Variants in PCDHA2 observed in about 807,000 individuals in gnomAD.
PCDHA2 encodes the protein protocadherin alpha 2, also known as protocadherin alpha-2.
In PCDHA2, 58 loss-of-function variants were observed where a neutral mutation model predicts 66.0. The ratio of observed to expected loss-of-function variants is 0.88; its 90% CI spans 0.71 to 1.09. The LOEUF is 1.09. Among genes scored for constraint, PCDHA2 ranks in the 50% least tolerant of loss-of-function variants. PCDHA2 has a pLI of 0.00. For missense variants in PCDHA2, 1,267 were observed against 1,242.3 expected (o/e 1.02, Z -0.30); for synonymous variants, 634 against 554.0 (o/e 1.14, Z -2.03).
rs1458261257 is a variant in PCDHA2, at chr5:140,941,194, TCTTTCTTCCTTTCTTTCTTC to T, written c.2389-37747_2389-37728del. Among the ~76,000 whole-genome samples the T allele has an allele frequency of 1.9e-3, 217 of 112,428 alleles. 2 individuals carry two copies. Among genetic ancestry groups the T allele is most frequent in the African/African-American group, 6.9e-3 (195 of 28,326 alleles). 73.8% of individuals were successfully genotyped at this position (112,428 alleles called of 152,430 possible). A position where few individuals can be genotyped will look rare whatever the true frequency, so the allele number is the denominator to read the frequency against. On this transcript the variant is annotated intron_variant, in intron 1 of 3. Coordinates refer to ENST00000526136, the MANE Select transcript of PCDHA2 (RefSeq NM_018905.3). ...CTTGAACATCCTGCTTCTTTTTTTT[TCTTTCTTCCTTTCTTTCTTC>T]CTTTCTTTCTTTCTTTCTTTCTTTC...
At chr5:140,831,149 C>G (rs561074158) in intron 1 of PCDHA2, 1 of 152,098 alleles carries the variant, frequency 6.6e-6, no homozygotes, top group Non-Finnish European at 1.5e-5. Flanking sequence ...TATTTACTAC[C>G]GATCTAAATA....
chr5:140,845,193 T>C (rs1160723646), intron 1 of PCDHA2, among the ~76,000 whole-genome samples: 1 of 149,378 alleles, frequency 6.7e-6, no homozygotes, highest in Non-Finnish European at 1.5e-5. Context: ...AAAAATATGA[T>C]TGTTTTCATT....
At chr5:140,984,566 C>T (rs899278255) in intron 3 of PCDHA2, among the ~76,000 whole-genome samples, 4 of 152,124 alleles carry the variant, frequency 2.6e-5, no homozygotes, top group Non-Finnish European at 5.9e-5. Context: ...TCCAACTACT[C>T]CATGGCAACC....
intron 1 of PCDHA2, among the ~76,000 whole-genome samples, chr5:140,904,216 ATTG>A (rs2070958692): frequency 6.6e-6 from 1 of 151,842 alleles, no homozygotes; most frequent in East Asian, 1.9e-4. Flanking sequence ...CCCAAAGTCC[ATTG>A]TATTATACTT....
chr5:140,958,911 G>C (rs1458386566), intron 1 of PCDHA2, among the ~76,000 whole-genome samples: 3 of 151,406 alleles, frequency 2.0e-5, no homozygotes, highest in African/African-American at 7.3e-5. Flanking sequence ...AGAAAAGTCT[G>C]CCTGGGTGTG....
At chr5:140,856,737 T>C (rs369958206) in intron 1 of PCDHA2, 7 of 1,595,910 alleles carry the variant, frequency 4.4e-6, no homozygotes, top group African/African-American at 1.3e-5. Context: ...CTGCTGATCC[T>C]GGTGTTAGAT....
At chr5:140,918,097 A>C (rs193088313) in intron 1 of PCDHA2, among the ~76,000 whole-genome samples, 2 of 152,192 alleles carry the variant, frequency 1.3e-5, no homozygotes, top group Non-Finnish European at 2.9e-5. Flanking sequence ...CTTTTTATAG[A>C]GATCTTTCAC....
In PCDHA2 at chr5:140,904,839, ATCT is replaced by A. The variant is rs1480252178; in HGVS notation, c.2389-74103_2389-74101del. 4.1e-4 allele frequency among the ~76,000 whole-genome samples: 62 copies of A among 152,040 alleles called. No individual in the cohort carries two copies. The East Asian group carries it at 6.4e-3, about 16-fold the overall frequency. Reference sequence around the variant, plus strand: ...TTGAGCATTTTTTTATATGTTTCATATCTTCTTCTGAGAATTGTCTGTTTATGT... The same window carrying A: ...TTGAGCATTTTTTTATATGTTTCATATCTTCTGAGAATTGTCTGTTTATGT... On this transcript the variant is annotated intron_variant, in intron 1 of 3. Coordinates refer to ENST00000526136, the MANE Select transcript of PCDHA2 (RefSeq NM_018905.3).
chr5:140,845,984 T>C (rs2150383304), intron 1 of PCDHA2, among the ~76,000 whole-genome samples: 2 of 149,806 alleles, frequency 1.3e-5, no homozygotes, highest in African/African-American at 4.9e-5. Flanking sequence ...ATATTTTGAA[T>C]GTTGTGTGGT....
intron 1 of PCDHA2, among the ~76,000 whole-genome samples, chr5:140,941,213 TCC>T (rs1491191685): frequency 2.4e-4 from 26 of 106,900 alleles, no homozygotes; most frequent in African/African-American, 9.0e-4. Context: ...CTTTCTTTCT[TCC>T]TTTCTTTCTT....
At chr5:140,928,529 T>C in intron 1 of PCDHA2, 7 of 1,614,226 alleles carry the variant, frequency 4.3e-6, no homozygotes, top group Non-Finnish European at 4.2e-6. Flanking sequence ...TTGTTTGTGG[T>C]AGATAGGAAT....
At chr5:140,983,408 A>G (rs1554245369) in intron 3 of PCDHA2, among the ~76,000 whole-genome samples, 1 of 152,208 alleles carries the variant, frequency 6.6e-6, no homozygotes, top group Non-Finnish European at 1.5e-5. Flanking sequence ...GGGAAGATTA[A>G]GTGTTGGTAG....
intron 1 of PCDHA2, chr5:140,842,895 A>C: frequency 6.3e-7 from 1 of 1,594,156 alleles, no homozygotes; most frequent in East Asian, 2.2e-5. Flanking sequence ...CCGCTGGACC[A>C]CGAGGAGCTA....
chr5:140,962,237 C>G (rs982591816), intron 1 of PCDHA2, among the ~76,000 whole-genome samples: 5 of 152,108 alleles, frequency 3.3e-5, no homozygotes, highest in Non-Finnish European at 5.9e-5. Context: ...TTCACTTAAC[C>G]ATTTTCTTCA....
Position 140,822,123 on chromosome 5 carries a change from C to T in PCDHA2, c.2388+24771C>T, listed in dbSNP as rs2150113831. On this transcript the variant is annotated intron_variant, in intron 1 of 3. Transcript: ENST00000526136. The stretch of plus-strand genomic sequence containing the variant: ...TCGTGGACAGGCCGCTGCAGGTTTT[C>T]CATGTGGAGGTGGCAGTGAAGGACA... The T allele has an allele frequency of 7.4e-6, 12 of 1,614,116 alleles. 1 individual carries two copies. In the Middle Eastern group the frequency reaches 1.2e-3, roughly 155 times the overall value.
At chr5:140,817,553 G>A (rs1766158365) in intron 1 of PCDHA2, 2 of 152,034 alleles carry the variant, frequency 1.3e-5, no homozygotes, top group African/African-American at 4.8e-5. Context: ...ACACATCCTT[G>A]ACTTATTACC....
chr5:140,831,031 G>A (rs10038174), intron 1 of PCDHA2: 88,595 of 152,032 alleles, frequency 0.58, 26,556 homozygotes, highest in African/African-American at 0.72. Context: ...TTGTGATTCC[G>A]GGAGGCAATA....
intron 1 of PCDHA2, among the ~76,000 whole-genome samples, chr5:140,951,285 A>T (rs1267785922): frequency 6.6e-6 from 1 of 152,100 alleles, no homozygotes; most frequent in East Asian, 1.9e-4. Context: ...GTAATTTTGG[A>T]TTATATCTTG....
chr5:140,930,044 A>G (rs1416118719), intron 1 of PCDHA2: 1 of 152,194 alleles, frequency 6.6e-6, no homozygotes, highest in African/African-American at 2.4e-5. Context: ...ACTGCTTTGG[A>G]GTTTTTGCTT....
Sources: allele counts gnomAD v4.1 joint callset (sites outside exome capture counted in the v4.1 genomes callset), GRCh38; gene constraint gnomAD v4.1.1; transcripts MANE v1.5; gene names NCBI Gene and HGNC (gene_info 2026-07-23, HGNC 2026-07-21).